The following RNF20 variants were observed in gnomAD, a reference collection of about 807,000 sequenced individuals.
RNF20 encodes ring finger protein 20.
Under a neutral mutation model 126.2 loss-of-function variants are expected in RNF20, and 84 were observed. The observed-to-expected ratio is 0.67, with a 90% CI of 0.56 to 0.80. The LOEUF (loss-of-function observed/expected upper bound fraction) is 0.80, where lower values mean the gene tolerates loss of function less well. Among genes scored for constraint, RNF20 ranks in the 30% least tolerant of loss-of-function variants. The pLI, the probability that RNF20 is intolerant of heterozygous loss-of-function variation, is 0.00. For missense variants in RNF20, 869 were observed against 1,188.2 expected (o/e 0.73, Z 3.95); for synonymous variants, 400 against 414.3 (o/e 0.97, Z 0.42).
intron 5 of RNF20, 44 bp downstream of exon 5, chr9:101,541,019 A>G (rs1267540084): frequency 6.7e-7 from 1 of 1,487,312 alleles, no homozygotes; most frequent in Non-Finnish European, 9.2e-7. Context: ...AGGAGGAATA[A>G]GAATTCATTT....
At chr9:101,557,715 TA>T in intron 16 of RNF20, 119 bp downstream of exon 16, 1 of 688,246 alleles carries the variant, frequency 1.5e-6, no homozygotes, top group Non-Finnish European at 2.5e-6. Flanking sequence ...ATTTGAAAAC[TA>T]AATGTTCATC....
At chr9:101,554,236 T>C (rs935836285) in intron 14 of RNF20, 131 bp downstream of exon 14, 15 of 572,784 alleles carry the variant, frequency 2.6e-5, no homozygotes, top group Non-Finnish European at 4.4e-5. Context: ...ATTTTCTGCC[T>C]TTTCAAAGAC....
At chr9:101,558,116 C>T (rs1488766870) in intron 16 of RNF20, among the ~76,000 whole-genome samples, 3 of 151,494 alleles carry the variant, frequency 2.0e-5, no homozygotes, top group Non-Finnish European at 2.9e-5. Context: ...ACCCATAACC[C>T]AAGCAGTGTA....
At chr9:101,547,541 C>T in intron 9 of RNF20, 23 bp downstream of exon 9, 10 of 1,613,064 alleles carry the variant, frequency 6.2e-6, no homozygotes, top group Non-Finnish European at 8.5e-6. Flanking sequence ...CCCTGAAGGG[C>T]AGTAAAATCA....
rs778192290 is a variant in RNF20, at chr9:101,540,411, A to G, written c.297+41A>G. The G allele has an allele frequency of 1.5e-5, 24 of 1,612,760 alleles. No individual in the cohort carries two copies. The highest frequency in any genetic ancestry group is 6.7e-5 in the Admixed American group (4 of 59,960). On this transcript the variant is annotated intron_variant, in intron 3 of 19. Coordinates refer to ENST00000389120, the MANE Select transcript of RNF20 (RefSeq NM_019592.7). ...ATTTGTTCAGATTTTTATTTGACCA[A>G]TTTAGTTCTCCTTACTGTTCTCTTC...
chr9:101,548,044 TA>T (rs1300378016), intron 9 of RNF20, among the ~76,000 whole-genome samples: 4 of 152,070 alleles, frequency 2.6e-5, no homozygotes, highest in Non-Finnish European at 5.9e-5. Context: ...AAAAAGAAAT[TA>T]AGAAAACAAT....
chr9:101,538,897 A>G (rs1415249964), intron 2 of RNF20, among the ~76,000 whole-genome samples: 1 of 152,012 alleles, frequency 6.6e-6, no homozygotes. Flanking sequence ...CCTCCCACCA[A>G]CCCCTCCCTG....
chr9:101,551,582 C>A, intron 10 of RNF20, 102 bp from the exon 11 acceptor site: 2 of 533,324 alleles, frequency 3.8e-6, no homozygotes, highest in South Asian at 4.5e-5. Flanking sequence ...GGTTTCATTA[C>A]GTATAGATTG....
intron 19 of RNF20, 35 bp downstream of exon 19, chr9:101,562,046 C>A: frequency 6.7e-7 from 1 of 1,499,014 alleles, no homozygotes; most frequent in South Asian, 1.2e-5. Flanking sequence ...AGTTTTTTGT[C>A]AAAGCTTTAA....
In RNF20 at chr9:101,550,641, G is replaced by T; in HGVS notation, c.1128G>T (p.Lys376Asn). ...ELRSAVEQVV[K>N]ETPEYRCMQS... ...GGAGTGCAGTGGAGCAAGTCGTTAA[G>T]GAAACTCCAGAATATCGCTGCATGC... The change falls in exon 10 of 20, where the codon AAG becomes AAT. Residue 376 changes from lysine (K) to asparagine (N), a missense_variant. Around this residue, in one of 8 missense-constraint regions of RNF20, gnomAD observed 153 missense variants for 226.4 expected, o/e 0.68. Transcript: ENST00000389120. 1 of 1,614,158 alleles carries T rather than the reference G, an allele frequency of 6.2e-7. No individual in the cohort carries two copies. Among genetic ancestry groups the T allele is most frequent in the Non-Finnish European group, 8.5e-7 (1 of 1,180,016 alleles).
rs1367016006 is a variant in RNF20 at position 101,562,482 on chromosome 9, C to T, written c.*60C>T. Reference sequence around the variant, plus strand: ...AGGAACTTATTCATTAACCACCAAACCTCTACCTCTTCTCTCCTTGACTGT... The same window carrying T: ...AGGAACTTATTCATTAACCACCAAATCTCTACCTCTTCTCTCCTTGACTGT... On this transcript the variant is annotated 3_prime_UTR_variant, in exon 20 of 20. Transcript: ENST00000389120. 13 of 1,485,380 alleles carry T rather than the reference C, an allele frequency of 8.8e-6. No homozygotes were observed. The African/African-American group carries it at 1.1e-4, about 13-fold the overall frequency. 92.0% of individuals were successfully genotyped at this position (1,485,380 alleles called of 1,614,324 possible).
chr9:101,537,633 A>G (rs1372674555), intron 2 of RNF20, among the ~76,000 whole-genome samples: 1 of 152,238 alleles, frequency 6.6e-6, no homozygotes, highest in Non-Finnish European at 1.5e-5. Flanking sequence ...ATGTCAAGGA[A>G]TGAGAAAGGA....
At position 101,547,502 on chromosome 9, in the gene RNF20, A is replaced by G; in HGVS notation, c.1076A>G (p.Gln359Arg). The G allele has an allele frequency of 1.2e-6, 2 of 1,614,126 alleles. No homozygotes were observed. The highest frequency in any genetic ancestry group is 1.7e-6 in the Non-Finnish European group (2 of 1,179,982). The change falls in exon 9 of 20, where the codon CAA (glutamine) becomes CGA (arginine). Residue 359 changes from glutamine (Q) to arginine (R), a missense_variant. Gln to Arg is a conservative substitution (Grantham distance 43, BLOSUM62 1). Transcript: ENST00000389120. ...CAAGACTTTGAGGAGGTCACTACAC[A>G]AAATGAAAAGCTGAAGGTAGGAACG... ...LRQDFEEVTT[Q>R]NEKLKVELRS...
At chr9:101,547,793 G>A (rs759679314) in intron 9 of RNF20, among the ~76,000 whole-genome samples, 7 of 152,124 alleles carry the variant, frequency 4.6e-5, no homozygotes, top group Admixed American at 6.5e-5. Context: ...AAAGATGCTC[G>A]CTGTCATTAC....
intron 6 of RNF20, among the ~76,000 whole-genome samples, chr9:101,545,913 C>T (rs1341276065): frequency 6.6e-6 from 1 of 152,060 alleles, no homozygotes; most frequent in Non-Finnish European, 1.5e-5. Flanking sequence ...TGCTGCCTGT[C>T]AGCTGGGTTA....
At chr9:101,556,896 G>T (rs1170411012) in intron 15 of RNF20, among the ~76,000 whole-genome samples, 1 of 152,130 alleles carries the variant, frequency 6.6e-6, no homozygotes, top group African/African-American at 2.4e-5. Context: ...GAATACAAGT[G>T]GTCTTAACCA....
At chr9:101,538,456 G>A (rs539927338) in intron 2 of RNF20, among the ~76,000 whole-genome samples, 2 of 152,288 alleles carry the variant, frequency 1.3e-5, no homozygotes, top group South Asian at 4.1e-4. Context: ...GGCATGAGCT[G>A]CAGAGGTAGG....
chr9:101,551,800 T>C lies in RNF20; in HGVS notation c.1389T>C (p.Leu463=). ...EMLRIEFEQT[L]AANEQAGPIN... is the part of the protein sequence containing the mutation. ...TGAGGATAGAATTTGAGCAGACCCT[T>C]GCTGCCAATGAACAAGCAGGTATAA... Residue 463 remains leucine, a synonymous_variant, in exon 11 of 20, where the codon CTT becomes CTC. Transcript: ENST00000389120. 6.2e-7 allele frequency: 1 copy of C among 1,608,526 alleles called. No homozygotes were observed.
At chr9:101,551,917 A>G in intron 11 of RNF20, 98 bp downstream of exon 11, 2 of 1,347,414 alleles carry the variant, frequency 1.5e-6, no homozygotes, top group Non-Finnish European at 2.0e-6. Flanking sequence ...ACTTCAACTC[A>G]GAAGTCATAA....
Sources: gnomAD v4.1 joint callset for allele counts (sites outside exome capture counted in the v4.1 genomes callset) on GRCh38, gnomAD v4.1.1 for gene constraint, gnomAD v4.1.1 regional missense constraint, MANE v1.5 for transcripts, NCBI Gene and HGNC (gene_info 2026-07-23, HGNC 2026-07-21) for gene names.